Variants in SEC31B observed in about 807,000 individuals in gnomAD.
SEC31B encodes SEC31 homolog B, COPII component.
A neutral mutation model predicts 135.0 loss-of-function variants in SEC31B; 113 were observed. That is an observed-to-expected ratio of 0.84 (90% CI 0.72 to 0.98). The LOEUF is 0.98. Among genes scored for constraint, SEC31B ranks in the 50% least tolerant of loss-of-function variants. The probability of loss-of-function intolerance (pLI) is 0.00; values close to 1 mark genes in which losing one functional copy is unlikely to be tolerated. For synonymous variants in SEC31B, 508 were observed against 549.4 expected (o/e 0.92, Z 1.05); for missense variants, 1,296 against 1,421.1 (o/e 0.91, Z 1.42).
At chr10:100,519,152 T>C (rs1851901860) in intron 1 of SEC31B, among the ~76,000 whole-genome samples, 1 of 152,242 alleles carries the variant, frequency 6.6e-6, no homozygotes, top group African/African-American at 2.4e-5. Context: ...TTCTAACCAC[T>C]GTACTAGTCG....
chr10:100,508,743 C>A, intron 5 of SEC31B: 1 of 527,766 alleles, frequency 1.9e-6, no homozygotes, highest in Non-Finnish European at 3.4e-6. Flanking sequence ...CTTGTGGTGT[C>A]TTTTGCTCTC....
At chr10:100,508,721 C>T (rs1324078742) in intron 5 of SEC31B, 2 of 489,596 alleles carry the variant, frequency 4.1e-6, no homozygotes, top group Admixed American at 6.6e-5. Context: ...ATAAACAGCA[C>T]TCCCATCCCT....
chr10:100,502,410 T>A lies in SEC31B; in HGVS notation c.1254A>T (p.Leu418=), dbSNP rs750968009. 4 of 1,614,164 alleles carry A rather than the reference T, an allele frequency of 2.5e-6. No homozygotes were observed. Residue 418 remains leucine, a synonymous_variant, in exon 11 of 26, where the codon CTA becomes CTT. Transcript: ENST00000370345. ...AHLVPQPCPR[L]VFISQVTTES... is the part of the protein sequence containing the mutation. ...CTGTGGTGACTTGACTGATGAAGACTAGGCGGGGGCAAGGCTGTGGCACCA... is the reference window on the plus strand; with the variant it reads ...CTGTGGTGACTTGACTGATGAAGACAAGGCGGGGGCAAGGCTGTGGCACCA...
intron 5 of SEC31B, 71 bp from the exon 6 acceptor site, chr10:100,508,122 T>C: frequency 6.3e-7 from 1 of 1,577,344 alleles, no homozygotes; most frequent in Non-Finnish European, 8.7e-7. Flanking sequence ...GCTGTTCCAC[T>C]GCTCCCAGCC....
chr10:100,494,993 T>C (rs1851377073), intron 19 of SEC31B: 2 of 273,252 alleles, frequency 7.3e-6, no homozygotes, highest in Non-Finnish European at 1.4e-5. Context: ...GCCCAGATCA[T>C]TATTTTGTAT....
rs1851275662 is a variant in SEC31B, at chr10:100,490,246, A to G, written c.2727T>C (p.Pro909=). 3 of 1,613,824 alleles carry G rather than the reference A, an allele frequency of 1.9e-6. No individual in the cohort carries two copies. The highest frequency in any genetic ancestry group is 2.5e-6 in the Non-Finnish European group (3 of 1,179,842). The change falls in exon 21 of 26, where the codon CCT becomes CCC. Residue 909 remains proline, a synonymous_variant. Coordinates refer to ENST00000370345, the MANE Select transcript of SEC31B (RefSeq NM_015490.4). The stretch of plus-strand genomic sequence containing the variant: ...CCATGGGTAGAGGGGAACCAGGAAG[A>G]GGCCATGTCCCAGGGAATCCCACCG... The part of the protein sequence containing the change: ...PNPVGFPGTW[P]LPGSPLPMAC...
chr10:100,495,613 A>G, intron 18 of SEC31B, 67 bp from the exon 19 acceptor site: 1 of 1,480,712 alleles, frequency 6.8e-7, no homozygotes. Flanking sequence ...GGTAGCAGTC[A>G]AATTTCAGCT....
intron 19 of SEC31B, among the ~76,000 whole-genome samples, chr10:100,493,665 A>T (rs1193050426): frequency 6.6e-6 from 1 of 152,206 alleles, no homozygotes; most frequent in East Asian, 1.9e-4. Flanking sequence ...GTGATGGTAA[A>T]ATTGAGTATC....
chr10:100,490,214 G>T lies in SEC31B; in HGVS notation c.2759C>A (p.Pro920Gln), dbSNP rs149222370. The T allele has an allele frequency of 6.2e-6, 10 of 1,612,244 alleles. No individual in the cohort carries two copies. The highest frequency in any genetic ancestry group is 8.5e-6 in the Non-Finnish European group (10 of 1,179,122). The change falls in exon 21 of 26, where the codon CCA becomes CAA. Residue 920 changes from proline (P) to glutamine (Q), a missense_variant. Transcript: ENST00000370345. ...GGTAGAGCCAGGTCGCATGATGCCT[G>T]GGCATGCCATGGGTAGAGGGGAACC... ...LPGSPLPMAC[P>Q]GIMRPGSTSL...
chr10:100,490,273 G>A lies in SEC31B; in HGVS notation c.2700C>T (p.Asn900=). Reference sequence around the variant, plus strand: ...GCCATGTCCCAGGGAATCCCACCGGGTTAGGAACTTGCACCCTTTGCCCTC... The same window carrying A: ...GCCATGTCCCAGGGAATCCCACCGGATTAGGAACTTGCACCCTTTGCCCTC... ...LLGGQRVQVP[N]PVGFPGTWPL... is the part of the protein sequence containing the mutation. The change falls in exon 21 of 26, where the codon AAC becomes AAT. Residue 900 remains asparagine (N), a synonymous_variant. Coordinates refer to ENST00000370345, the MANE Select transcript of SEC31B (RefSeq NM_015490.4). The A allele has an allele frequency of 6.2e-7, 1 of 1,614,008 alleles. No homozygotes were observed.
Position 100,487,498 on chromosome 10 carries a change from T to C in SEC31B, c.*118A>G. The C allele has an allele frequency of 1.0e-6, 1 of 989,964 alleles. No homozygotes were observed. Among genetic ancestry groups the C allele is most frequent in the Non-Finnish European group, 1.5e-6 (1 of 673,094 alleles). 61.3% of individuals were successfully genotyped at this position (989,964 alleles called of 1,614,324 possible). ...AGCCAAGCCTACAGCATCACATACCTGGCAGCAAGGAAAAGAGTCGGGAAA... is the reference window on the plus strand; with the variant it reads ...AGCCAAGCCTACAGCATCACATACCCGGCAGCAAGGAAAAGAGTCGGGAAA... On this transcript the variant is annotated 3_prime_UTR_variant, in exon 26 of 26. Coordinates refer to ENST00000370345, the MANE Select transcript of SEC31B (RefSeq NM_015490.4).
chr10:100,513,885 G>A (rs549328841), intron 3 of SEC31B, among the ~76,000 whole-genome samples: 7 of 151,972 alleles, frequency 4.6e-5, no homozygotes, highest in Admixed American at 3.3e-4. Flanking sequence ...ACAGCAATGA[G>A]TAAAACATTA....
At chr10:100,508,160 G>A in intron 5 of SEC31B, 109 bp from the exon 6 acceptor site, 1 of 1,330,172 alleles carries the variant, frequency 7.5e-7, no homozygotes, top group Non-Finnish European at 1.1e-6. Context: ...GAATAGACAT[G>A]GGGCTACCCA....
Position 100,497,653 on chromosome 10 carries a change from G to T in SEC31B, c.1990+14C>A. The T allele has an allele frequency of 6.2e-7, 1 of 1,614,156 alleles. No homozygotes were observed. Among genetic ancestry groups the T allele is most frequent in the Non-Finnish European group, 8.5e-7 (1 of 1,180,038 alleles). On this transcript the variant is annotated intron_variant, in intron 16 of 25. Coordinates refer to ENST00000370345, the MANE Select transcript of SEC31B (RefSeq NM_015490.4). ...GTCACACCATTTCATCCTGAAGCCT[G>T]GGACCACACTTACCACAGAGCTCGG...
intron 3 of SEC31B, among the ~76,000 whole-genome samples, chr10:100,514,444 AG>A (rs1375961954): frequency 2.0e-5 from 3 of 152,002 alleles, no homozygotes; most frequent in Admixed American, 1.3e-4. Flanking sequence ...CACCCCTTTG[AG>A]GGGACCCTTC....
Position 100,507,787 on chromosome 10 carries a change from G to A in SEC31B, c.639+121C>T. ...ACTCTCAATAGGAAATGTGCTAAGC[G>A]GCTGACTCCACATGTCCGACAGCTG... On this transcript the variant is annotated intron_variant, in intron 6 of 25. Coordinates refer to ENST00000370345, the MANE Select transcript of SEC31B (RefSeq NM_015490.4). The A allele has an allele frequency of 1.1e-5, 16 of 1,405,194 alleles. No homozygotes were observed. The South Asian group carries it at 1.8e-4, about 15-fold the overall frequency. The allele number at this position is 1,405,194 out of a possible 1,614,324, so 87.0% of individuals were successfully genotyped here.
chr10:100,509,552 C>T, intron 3 of SEC31B, 41 bp from the exon 4 acceptor site: 1 of 1,510,688 alleles, frequency 6.6e-7, no homozygotes, highest in East Asian at 2.4e-5. Flanking sequence ...AACTTAGGTT[C>T]ATGTCAGTAA....
intron 10 of SEC31B, among the ~76,000 whole-genome samples, 169 bp from the exon 11 acceptor site, chr10:100,502,653 G>A (rs766132950): frequency 1.2e-4 from 18 of 152,194 alleles, no homozygotes; most frequent in Middle Eastern, 3.4e-3. Flanking sequence ...TATTGAATTC[G>A]TCTCCCTACC....
At chr10:100,509,762 A>C (rs1458344995) in intron 3 of SEC31B, among the ~76,000 whole-genome samples, 1 of 152,154 alleles carries the variant, frequency 6.6e-6, no homozygotes, top group Non-Finnish European at 1.5e-5. Context: ...GGAGGTGTAT[A>C]TATATACATA....
Sources: gnomAD v4.1 joint callset for allele counts (sites outside exome capture counted in the v4.1 genomes callset) on GRCh38, gnomAD v4.1.1 for gene constraint, MANE v1.5 for transcripts, NCBI Gene and HGNC (gene_info 2026-07-23, HGNC 2026-07-21) for gene names.